Variants in COG5 observed in about 807,000 individuals in gnomAD.
The protein encoded by COG5 is component of oligomeric golgi complex 5, also known as conserved oligomeric Golgi complex subunit 5.
COG5 carries 86 observed loss-of-function variants against 110.4 expected under a neutral mutation model. The ratio of observed to expected loss-of-function variants is 0.78; its 90% CI spans 0.65 to 0.93. The LOEUF (loss-of-function observed/expected upper bound fraction) is 0.93, where lower values mean the gene tolerates loss of function less well. Ranked by LOEUF, COG5 falls within the 40% of genes least tolerant of loss-of-function variation. COG5 has a pLI of 0.00. For synonymous variants in COG5, 360 were observed against 334.6 expected (o/e 1.08, Z -0.83); for missense variants, 1,077 against 987.0 (o/e 1.09, Z -1.22).
At chr7:107,436,176 A>G (rs1794353420) in intron 6 of COG5, among the ~76,000 whole-genome samples, 2 of 152,324 alleles carry the variant, frequency 1.3e-5, no homozygotes, top group South Asian at 4.1e-4. Context: ...CAGGTTGGTT[A>G]TTCACAGTAG....
In COG5 at chr7:107,298,258, GT is replaced by G; in HGVS notation, c.1196del (p.Tyr399SerfsTer45). ...YNDLWKRLQQ[Y>X]SQHIQGNFNA... ...TAAAATTCCCTTGGATATGCTGACT[GT>G]ATTGTTGAAGACGCTTCCATAAGTC... On this transcript the variant is annotated frameshift_variant, in exon 12 of 22. Transcript: ENST00000297135. LOFTEE classifies it high-confidence loss of function. The G allele has an allele frequency of 6.2e-7, 1 of 1,613,138 alleles. No homozygotes were observed. Among genetic ancestry groups the G allele is most frequent in the Non-Finnish European group, 8.5e-7 (1 of 1,179,316 alleles).
chr7:107,537,475 AAACT>A, intron 5 of COG5, among the ~76,000 whole-genome samples: 2 of 152,314 alleles, frequency 1.3e-5, no homozygotes, highest in East Asian at 1.9e-4. Flanking sequence ...CATTCTCAGC[AAACT>A]AACACAGGAA....
intron 10 of COG5, among the ~76,000 whole-genome samples, chr7:107,325,811 A>C (rs1239598305): frequency 6.6e-6 from 1 of 152,210 alleles, no homozygotes; most frequent in Non-Finnish European, 1.5e-5. Context: ...ACCTGTGTAC[A>C]CTTCCATTTT....
intron 7 of COG5, among the ~76,000 whole-genome samples, chr7:107,405,278 A>T (rs545539698): frequency 8.5e-5 from 13 of 152,322 alleles, no homozygotes; most frequent in African/African-American, 2.9e-4. Context: ...AGTGACTAAC[A>T]CAGAGCCTGA....
At chr7:107,457,722 G>GC (rs1462732373) in intron 6 of COG5, among the ~76,000 whole-genome samples, 2 of 152,066 alleles carry the variant, frequency 1.3e-5, no homozygotes, top group Non-Finnish European at 2.9e-5. Context: ...GAGCCACTGC[G>GC]CCCGGCCTAA....
intron 6 of COG5, among the ~76,000 whole-genome samples, chr7:107,498,854 A>G (rs1798446462): frequency 6.6e-6 from 1 of 152,204 alleles, no homozygotes; most frequent in Non-Finnish European, 1.5e-5. Context: ...TCATGTTCAC[A>G]GCAGCACTAT....
intron 11 of COG5, among the ~76,000 whole-genome samples, chr7:107,304,253 T>C (rs982547532): frequency 2.0e-5 from 3 of 152,174 alleles, no homozygotes; most frequent in Non-Finnish European, 4.4e-5. Flanking sequence ...AGGATATAAA[T>C]AGTCTATGTG....
At chr7:107,392,576 G>T (rs1790698675) in intron 7 of COG5, among the ~76,000 whole-genome samples, 1 of 151,178 alleles carries the variant, frequency 6.6e-6, no homozygotes, top group African/African-American at 2.4e-5. Flanking sequence ...AGCTTAAAAG[G>T]AAGTAGAATG....
rs964821952 is a variant in COG5, at chr7:107,231,238, A to G, written c.2092-547T>C. 2.6e-4 allele frequency among the ~76,000 whole-genome samples: 40 copies of G among 152,200 alleles called. 1 individual carries two copies. Among genetic ancestry groups the G allele is most frequent in the African/African-American group, 8.9e-4 (37 of 41,460 alleles). On this transcript the variant is annotated intron_variant, in intron 18 of 21. Coordinates refer to ENST00000297135, the MANE Select transcript of COG5 (RefSeq NM_006348.5). ...CTGTAAAATGGAGATAATAATACCT[A>G]CTTAATAGAATAATGCAAATTAAAA...
chr7:107,363,731 C>T (rs893930600), intron 8 of COG5, among the ~76,000 whole-genome samples: 6 of 151,930 alleles, frequency 3.9e-5, no homozygotes, highest in Admixed American at 2.0e-4. Flanking sequence ...CCAAGGTGGA[C>T]GGATCACCTG....
chr7:107,267,858 C>A (rs1803926341), intron 14 of COG5, among the ~76,000 whole-genome samples: 1 of 151,984 alleles, frequency 6.6e-6, no homozygotes, highest in Non-Finnish European at 1.5e-5. Context: ...GAGTTCGAGA[C>A]CAGCCTGAAC....
intron 6 of COG5, among the ~76,000 whole-genome samples, chr7:107,419,680 G>C (rs1056324812): frequency 6.6e-6 from 1 of 151,494 alleles, no homozygotes; most frequent in African/African-American, 2.4e-5. Context: ...CGATTCTCCT[G>C]TCTCAGCCTC....
At chr7:107,355,902 T>C (rs1205979124) in intron 10 of COG5, among the ~76,000 whole-genome samples, 2 of 152,222 alleles carry the variant, frequency 1.3e-5, no homozygotes, top group Non-Finnish European at 2.9e-5. Flanking sequence ...AGTGGTATAT[T>C]TGTTACAACT....
chr7:107,233,184 G>C (rs1051964710), intron 18 of COG5, among the ~76,000 whole-genome samples: 3 of 152,148 alleles, frequency 2.0e-5, no homozygotes, highest in African/African-American at 7.2e-5. Flanking sequence ...CTTTCCTTCA[G>C]CTAAGAAAAT....
chr7:107,317,547 G>T (rs1257676847), intron 11 of COG5, among the ~76,000 whole-genome samples: 4 of 152,108 alleles, frequency 2.6e-5, no homozygotes, highest in Non-Finnish European at 1.5e-5. Context: ...TAATTTGAGG[G>T]TATTAAGAAG....
chr7:107,547,302 G>C (rs1802522217), intron 5 of COG5, among the ~76,000 whole-genome samples: 1 of 151,968 alleles, frequency 6.6e-6, no homozygotes, highest in African/African-American at 2.4e-5. Flanking sequence ...TGCAGAAAAG[G>C]CACTTGGTAA....
At chr7:107,452,992 T>A (rs748189171) in intron 6 of COG5, among the ~76,000 whole-genome samples, 74 of 152,340 alleles carry the variant, frequency 4.9e-4, no homozygotes, top group Admixed American at 1.2e-3. Context: ...TTATACTTAA[T>A]CTTTAGTACT....
rs191693889 is a variant in COG5, at chr7:107,309,118, T to C, written c.1109-10772A>G. Among the ~76,000 whole-genome samples, 303 of 151,836 alleles carry C rather than the reference T, an allele frequency of 2.0e-3. 2 individuals carry two copies. The highest frequency in any genetic ancestry group is 6.9e-3 in the African/African-American group (286 of 41,420). ...TTTCGGTGGTCAGAGCTATGAAATA[T>C]ATATAAATCAAATATTTTTTAAAGA... On this transcript the variant is annotated intron_variant, in intron 11 of 21. Transcript: ENST00000297135.
At chr7:107,277,169 T>C (rs1016629567) in intron 14 of COG5, among the ~76,000 whole-genome samples, 2 of 152,162 alleles carry the variant, frequency 1.3e-5, no homozygotes, top group Non-Finnish European at 2.9e-5. Flanking sequence ...CTTGATATAT[T>C]GTAAAATGAA....
Sources: allele counts gnomAD v4.1 joint callset (sites outside exome capture counted in the v4.1 genomes callset), GRCh38; gene constraint gnomAD v4.1.1; transcripts MANE v1.5; gene names NCBI Gene and HGNC (gene_info 2026-07-23, HGNC 2026-07-21).